Variants in ATXN7L1 observed in about 807,000 individuals in gnomAD.
ATXN7L1 encodes ataxin 7 like 1.
In ATXN7L1, 15 loss-of-function variants were observed where a neutral mutation model predicts 70.8. The observed-to-expected ratio is 0.21, with a 90% CI of 0.14 to 0.33. The LOEUF is 0.33. Ranked by LOEUF, ATXN7L1 falls within the 10% of genes least tolerant of loss-of-function variation. The pLI is 1.00. For missense variants in ATXN7L1, 975 were observed against 1,097.1 expected, an observed-to-expected ratio of 0.89 and a Z score of 1.57; for synonymous variants, 440 against 445.1, an observed-to-expected ratio of 0.99 and a Z score of 0.14.
At chr7:105,758,384 C>T (rs552259268) in intron 3 of ATXN7L1, among the ~76,000 whole-genome samples, 2 of 152,224 alleles carry the variant, frequency 1.3e-5, no homozygotes, top group East Asian at 3.8e-4. Context: ...AGAAGATTTA[C>T]ACTCAGTCAG....
At chr7:105,810,490 G>A (rs1400013343) in intron 2 of ATXN7L1, among the ~76,000 whole-genome samples, 1 of 152,248 alleles carries the variant, frequency 6.6e-6, no homozygotes, top group Non-Finnish European at 1.5e-5. Flanking sequence ...GTGCTGGGAA[G>A]GCTGGCTGGA....
chr7:105,734,952 A>G (rs764171989), intron 3 of ATXN7L1, among the ~76,000 whole-genome samples: 28 of 152,184 alleles, frequency 1.8e-4, no homozygotes, highest in Admixed American at 7.9e-4. Flanking sequence ...TCTAGCCTCC[A>G]CACTTATGCT....
At chr7:105,685,376 T>C (rs991504653) in intron 3 of ATXN7L1, among the ~76,000 whole-genome samples, 5 of 152,176 alleles carry the variant, frequency 3.3e-5, no homozygotes, top group Admixed American at 1.3e-4. Context: ...CAAGATACCA[T>C]TTCCATTGGC....
intron 3 of ATXN7L1, among the ~76,000 whole-genome samples, chr7:105,758,314 G>A (rs899858045): frequency 6.6e-6 from 1 of 152,114 alleles, no homozygotes; most frequent in Non-Finnish European, 1.5e-5. Flanking sequence ...CATCCATGAC[G>A]GTGATTAATC....
At chr7:105,610,159 A>G (rs948942755) in intron 11 of ATXN7L1, among the ~76,000 whole-genome samples, 1 of 152,212 alleles carries the variant, frequency 6.6e-6, no homozygotes, top group African/African-American at 2.4e-5. Context: ...GAATGAAAAA[A>G]ACTGAGACTC....
intron 2 of ATXN7L1, among the ~76,000 whole-genome samples, chr7:105,834,203 T>C (rs1416825658): frequency 1.3e-5 from 2 of 152,140 alleles, no homozygotes; most frequent in Non-Finnish European, 2.9e-5. Flanking sequence ...CCACCACGCC[T>C]GGCTAATTTT....
chr7:105,697,137 T>A (rs1791822355), intron 3 of ATXN7L1, among the ~76,000 whole-genome samples: 1 of 152,198 alleles, frequency 6.6e-6, no homozygotes, highest in African/African-American at 2.4e-5. Flanking sequence ...CTAATGAAGT[T>A]TCGGGCACTA....
At chr7:105,658,208 C>A (rs1386761177) in intron 4 of ATXN7L1, among the ~76,000 whole-genome samples, 9 of 98,954 alleles carry the variant, frequency 9.1e-5, no homozygotes, top group African/African-American at 2.2e-4. Context: ...CAGAGCTATA[C>A]CCCATCTCAA....
chr7:105,800,919 AC>A (rs933736070), intron 2 of ATXN7L1, among the ~76,000 whole-genome samples: 3 of 152,200 alleles, frequency 2.0e-5, no homozygotes, highest in African/African-American at 7.2e-5. Context: ...AAAGCCAAAG[AC>A]CCTCAAAGGA....
intron 2 of ATXN7L1, among the ~76,000 whole-genome samples, chr7:105,793,792 G>A (rs1805586805): frequency 6.6e-6 from 1 of 152,224 alleles, no homozygotes; most frequent in South Asian, 2.1e-4. Context: ...TTATCACAGA[G>A]TGATCTGGTC....
At chr7:105,766,818 G>A (rs1195310851) in intron 3 of ATXN7L1, among the ~76,000 whole-genome samples, 2 of 152,222 alleles carry the variant, frequency 1.3e-5, no homozygotes, top group African/African-American at 4.8e-5. Flanking sequence ...TTCAGGCTGG[G>A]TGTACACCCA....
chr7:105,745,776 G>A (rs2116372570), intron 3 of ATXN7L1, among the ~76,000 whole-genome samples: 1 of 152,354 alleles, frequency 6.6e-6, no homozygotes, highest in African/African-American at 2.4e-5. Flanking sequence ...GTGGAGCCAT[G>A]ATGTGAAAAA....
chr7:105,733,665 TCCATCCATCCATCCAC>T (rs1563049189), intron 3 of ATXN7L1, among the ~76,000 whole-genome samples: 3 of 9,616 alleles, frequency 3.1e-4, no homozygotes, highest in Admixed American at 1.0e-3. Context: ...CATCCATCCA[TCCATCCATCCATCCAC>T]CCATCCACCC....
intron 3 of ATXN7L1, among the ~76,000 whole-genome samples, chr7:105,697,167 A>G (rs542718315): frequency 6.6e-6 from 1 of 152,234 alleles, no homozygotes; most frequent in Non-Finnish European, 1.5e-5. Context: ...ATAACATCTT[A>G]TCAGGAGACA....
intron 3 of ATXN7L1, among the ~76,000 whole-genome samples, chr7:105,772,063 ATT>A (rs533366742): frequency 6.2e-4 from 62 of 99,806 alleles, no homozygotes; most frequent in East Asian, 1.8e-3. Flanking sequence ...TCAGATTGGA[ATT>A]TTTTTTTTTT....
intron 3 of ATXN7L1, among the ~76,000 whole-genome samples, chr7:105,718,975 G>A (rs1259223597): frequency 6.6e-6 from 1 of 152,154 alleles, no homozygotes; most frequent in Non-Finnish European, 1.5e-5. Flanking sequence ...AACAGCAGCC[G>A]GGAAGCAAGG....
chr7:105,764,877 G>A (rs1250303727), intron 3 of ATXN7L1, among the ~76,000 whole-genome samples: 1 of 151,738 alleles, frequency 6.6e-6, no homozygotes, highest in Non-Finnish European at 1.5e-5. Context: ...ATCATGTACA[G>A]CTGGCTCAGG....
chr7:105,751,493 G>A (rs1020167917), intron 3 of ATXN7L1, among the ~76,000 whole-genome samples: 1 of 152,116 alleles, frequency 6.6e-6, no homozygotes, highest in African/African-American at 2.4e-5. Context: ...AAAATTAGCT[G>A]GGCATGGTGG....
intron 3 of ATXN7L1, among the ~76,000 whole-genome samples, chr7:105,738,060 A>G (rs527411240): frequency 7.9e-5 from 12 of 152,352 alleles, no homozygotes; most frequent in African/African-American, 2.9e-4. Context: ...ACAACCACCT[A>G]AAAGGGGTGA....
Sources: gnomAD v4.1 joint callset for allele counts (sites outside exome capture counted in the v4.1 genomes callset) on GRCh38, gnomAD v4.1.1 for gene constraint, MANE v1.5 for transcripts, NCBI Gene and HGNC (gene_info 2026-07-23, HGNC 2026-07-21) for gene names.